VPS41: variants seen among roughly 807,000 people sequenced by gnomAD.
The protein encoded by VPS41 is VPS41 subunit of HOPS complex, also known as vacuolar protein sorting-associated protein 41 homolog.
VPS41 carries 85 observed loss-of-function variants against 130.9 expected under a neutral mutation model. The ratio of observed to expected loss-of-function variants is 0.65; its 90% CI spans 0.55 to 0.78. The LOEUF (loss-of-function observed/expected upper bound fraction) is 0.78, where lower values mean the gene tolerates loss of function less well. Ranked by LOEUF, VPS41 falls within the 30% of genes least tolerant of loss-of-function variation. The pLI, the probability that VPS41 is intolerant of heterozygous loss-of-function variation, is 0.00. For synonymous variants in VPS41, 335 were observed against 332.9 expected, an observed-to-expected ratio of 1.01 and a Z score of -0.07; for missense variants, 874 against 1,018.7, an observed-to-expected ratio of 0.86 and a Z score of 1.93.
intron 7 of VPS41, among the ~76,000 whole-genome samples, chr7:38,814,201 G>GT (rs1334136828): frequency 6.6e-6 from 1 of 152,192 alleles, no homozygotes; most frequent in Non-Finnish European, 1.5e-5. Flanking sequence ...CAAATGCTAA[G>GT]TAAAAGGATG....
At chr7:38,875,459 C>T (rs951618283) in intron 2 of VPS41, among the ~76,000 whole-genome samples, 13 of 152,152 alleles carry the variant, frequency 8.5e-5, no homozygotes, top group Non-Finnish European at 1.5e-4. Context: ...AGAAAGAATG[C>T]TACTTCCTTA....
chr7:38,810,362 C>CT (rs1784919676), intron 7 of VPS41, among the ~76,000 whole-genome samples: 1 of 151,910 alleles, frequency 6.6e-6, no homozygotes, highest in South Asian at 2.1e-4. Context: ...TTCAGGGTTT[C>CT]TTCTGTTACA....
chr7:38,736,633 T>C (rs763397688), intron 25 of VPS41, among the ~76,000 whole-genome samples: 5 of 152,190 alleles, frequency 3.3e-5, no homozygotes, highest in Non-Finnish European at 5.9e-5. Context: ...CAGTGAGAGA[T>C]ACACAGGATA....
At chr7:38,742,268 G>A in intron 24 of VPS41, 147 bp from the exon 25 acceptor site, 1 of 726,886 alleles carries the variant, frequency 1.4e-6, no homozygotes, top group Non-Finnish European at 2.1e-6. Flanking sequence ...AAAACCATTT[G>A]AATTTCTAAA....
chr7:38,780,123 T>C (rs1238418017), intron 10 of VPS41, among the ~76,000 whole-genome samples: 1 of 150,278 alleles, frequency 6.7e-6, no homozygotes, highest in Non-Finnish European at 1.5e-5. Flanking sequence ...TAAATTCTGC[T>C]AGAGAGGAAA....
intron 17 of VPS41, among the ~76,000 whole-genome samples, chr7:38,762,875 T>C (rs1783950076): frequency 1.3e-5 from 2 of 152,196 alleles, no homozygotes. Context: ...GGTTAAGTCA[T>C]GCTTCTTTCC....
intron 1 of VPS41, among the ~76,000 whole-genome samples, chr7:38,903,141 G>C (rs1054968449): frequency 6.6e-6 from 1 of 152,148 alleles, no homozygotes; most frequent in Non-Finnish European, 1.5e-5. Flanking sequence ...TACAGAAAGG[G>C]AACTGCAGGA....
At chr7:38,840,235 A>T (rs1785582523) in intron 4 of VPS41, among the ~76,000 whole-genome samples, 1 of 152,182 alleles carries the variant, frequency 6.6e-6, no homozygotes. Context: ...CTGTTGAGTA[A>T]AAAAAAGTAA....
At chr7:38,726,437 A>C (rs914188833) in intron 28 of VPS41, 111 bp from the exon 29 acceptor site, 2 of 759,592 alleles carry the variant, frequency 2.6e-6, no homozygotes, top group African/African-American at 3.5e-5. Flanking sequence ...AAGTAATAGG[A>C]TGGCACTCCT....
At chr7:38,749,866 TC>T (rs1372634389) in intron 22 of VPS41, among the ~76,000 whole-genome samples, 1 of 152,214 alleles carries the variant, frequency 6.6e-6, no homozygotes, top group Non-Finnish European at 1.5e-5. Context: ...TTCTTATTAT[TC>T]TTTTTTATTT....
intron 5 of VPS41, among the ~76,000 whole-genome samples, chr7:38,824,543 T>A (rs1785233095): frequency 6.6e-6 from 1 of 152,196 alleles, no homozygotes; most frequent in South Asian, 2.1e-4. Flanking sequence ...GAACCCGGAT[T>A]TTCTAAATCC....
At chr7:38,768,079 A>T (rs10281589) in intron 14 of VPS41, among the ~76,000 whole-genome samples, 43,570 of 152,120 alleles carry the variant, frequency 0.29, 7,057 homozygotes, top group Non-Finnish European at 0.38. Context: ...ATTAAAGTTG[A>T]TATGAGCTCA....
At chr7:38,821,779 G>A (rs915902907) in intron 5 of VPS41, among the ~76,000 whole-genome samples, 1 of 151,838 alleles carries the variant, frequency 6.6e-6, no homozygotes, top group Non-Finnish European at 1.5e-5. Flanking sequence ...GTACTTTGCT[G>A]CAATTAAGCT....
At chr7:38,796,977 G>C (rs1171611639) in intron 7 of VPS41, 113 bp from the exon 8 acceptor site, 14 of 1,236,474 alleles carry the variant, frequency 1.1e-5, no homozygotes, top group Non-Finnish European at 1.5e-5. Flanking sequence ...AGTCACTCTC[G>C]ACGTCTTTAA....
At chr7:38,760,173 A>G (rs1337701274) in intron 17 of VPS41, among the ~76,000 whole-genome samples, 2 of 152,208 alleles carry the variant, frequency 1.3e-5, no homozygotes, top group Non-Finnish European at 2.9e-5. Context: ...TTTATAACTC[A>G]AAGTATGACA....
At chr7:38,878,558 T>A (rs1006509290) in intron 2 of VPS41, among the ~76,000 whole-genome samples, 2 of 152,094 alleles carry the variant, frequency 1.3e-5, no homozygotes, top group African/African-American at 4.8e-5. Flanking sequence ...AGTCTAAATA[T>A]CATAAATCAA....
intron 22 of VPS41, among the ~76,000 whole-genome samples, chr7:38,748,589 T>C (rs535891212): frequency 6.6e-6 from 1 of 151,184 alleles, no homozygotes; most frequent in Non-Finnish European, 1.5e-5. Flanking sequence ...ATAAATCTGC[T>C]GAACTATAAA....
chr7:38,870,976 G>A lies in VPS41; in HGVS notation c.61-1723C>T, dbSNP rs370899356. Among the ~76,000 whole-genome samples, 9 of 151,814 alleles carry A rather than the reference G, an allele frequency of 5.9e-5. No individual in the cohort carries two copies. In the East Asian group the frequency reaches 1.4e-3, roughly 23 times the overall value. Reference sequence around the variant, plus strand: ...AATATCCAAAGGGAACTCCAGAGAAGAATAAATGGAAGGAAAATATGTAAA... The same window carrying A: ...AATATCCAAAGGGAACTCCAGAGAAAAATAAATGGAAGGAAAATATGTAAA... On this transcript the variant is annotated intron_variant, in intron 2 of 28. Coordinates refer to ENST00000310301, the MANE Select transcript of VPS41 (RefSeq NM_014396.4).
At chr7:38,763,584 T>C (rs1357264825) in intron 16 of VPS41, 37 bp from the exon 17 acceptor site, 6 of 1,436,168 alleles carry the variant, frequency 4.2e-6, no homozygotes, top group East Asian at 2.3e-5. Context: ...TCCATTAAAA[T>C]ATGAAAAAAC....
Sources: gnomAD v4.1 joint callset for allele counts (sites outside exome capture counted in the v4.1 genomes callset) on GRCh38, gnomAD v4.1.1 for gene constraint, MANE v1.5 for transcripts, NCBI Gene and HGNC (gene_info 2026-07-23, HGNC 2026-07-21) for gene names.